The following CASP8 variants were observed in gnomAD, a reference collection of about 807,000 sequenced individuals.
The protein encoded by CASP8 is caspase-8.
CASP8 carries 24 observed loss-of-function variants against 46.3 expected under a neutral mutation model. That is an observed-to-expected ratio of 0.52 (90% CI 0.38 to 0.73). The LOEUF (loss-of-function observed/expected upper bound fraction) is 0.73, where lower values mean the gene tolerates loss of function less well. Ranked by LOEUF, CASP8 falls within the 30% of genes least tolerant of loss-of-function variation. The probability of loss-of-function intolerance (pLI) is 0.00; values close to 1 mark genes in which losing one functional copy is unlikely to be tolerated. For missense variants in CASP8, 460 were observed against 559.0 expected (o/e 0.82, Z 1.79); for synonymous variants, 188 against 200.4 (o/e 0.94, Z 0.52).
chr2:201,273,677 G>A (rs7564683), intron 5 of CASP8, among the ~76,000 whole-genome samples: 1 of 151,560 alleles, frequency 6.6e-6, no homozygotes, highest in Non-Finnish European at 1.5e-5. Context: ...TAATCAAATA[G>A]TCTTTTTTTT....
intron 2 of CASP8, among the ~76,000 whole-genome samples, chr2:201,253,293 CTTTTTTTTTTTTTTTT>C (rs34341476): frequency 1.5e-4 from 10 of 67,954 alleles, no homozygotes; most frequent in African/African-American, 5.0e-4. Context: ...CTAGCCTGAT[CTTTTTTTTTTTTTTTT>C]TTTTTTTTTT....
intron 2 of CASP8, among the ~76,000 whole-genome samples, chr2:201,254,004 C>A (rs977586816): frequency 6.6e-6 from 1 of 151,852 alleles, no homozygotes; most frequent in African/African-American, 2.4e-5. Context: ...TCGCTTGAAC[C>A]CAGGAGGCGG....
At chr2:201,247,301 G>T (rs1946573381) in intron 2 of CASP8, among the ~76,000 whole-genome samples, 1 of 151,830 alleles carries the variant, frequency 6.6e-6, no homozygotes, top group Non-Finnish European at 1.5e-5. Flanking sequence ...GGACATCAGG[G>T]TGAGACTTTT....
At chr2:201,246,796 G>A (rs1167316696) in intron 2 of CASP8, among the ~76,000 whole-genome samples, 2 of 152,182 alleles carry the variant, frequency 1.3e-5, no homozygotes, top group African/African-American at 4.8e-5. Flanking sequence ...CAACTGGAAC[G>A]CAAAATGTTC....
Position 201,274,182 on chromosome 2 carries a change from T to G in CASP8, c.596-707T>G, listed in dbSNP as rs34414675. Among the ~76,000 whole-genome samples the G allele has an allele frequency of 2.1e-3, 324 of 152,308 alleles. 6 individuals are homozygous for G. The highest frequency in any genetic ancestry group is 0.014 in the Admixed American group (207 of 15,298). On this transcript the variant is annotated intron_variant, in intron 5 of 8. Transcript: ENST00000673742. ...ATGTCTATGCAGGCTGTCCTTCCCTTTCCCCTCTGCCTGCTGAGCCTAAGG... is the reference window on the plus strand; with the variant it reads ...ATGTCTATGCAGGCTGTCCTTCCCTGTCCCCTCTGCCTGCTGAGCCTAAGG...
rs34750049 is a variant in CASP8, at chr2:201,285,366, C to A, written c.1304+49C>A. 95 of 1,598,526 alleles carry A rather than the reference C, an allele frequency of 5.9e-5. No individual in the cohort carries two copies. In the Admixed American group the frequency reaches 1.2e-3, roughly 20 times the overall value. On this transcript the variant is annotated intron_variant, in intron 8 of 8. Transcript: ENST00000673742. Reference sequence around the variant, plus strand: ...CCTCACTGTTACACTACCTTCCCCCCCTACTCCATCACACTACTATCTACT... The same window carrying A: ...CCTCACTGTTACACTACCTTCCCCCACTACTCCATCACACTACTATCTACT...
intron 2 of CASP8, among the ~76,000 whole-genome samples, chr2:201,245,016 C>T (rs1946450339): frequency 1.3e-5 from 2 of 152,202 alleles, no homozygotes. Context: ...TCACTTAACC[C>T]TGTCCTTCAA....
chr2:201,274,919 C>T lies in CASP8; in HGVS notation c.626C>T (p.Ser209Leu), dbSNP rs1351320412. 1.7e-5 allele frequency: 27 copies of T among 1,613,428 alleles called. No homozygotes were observed. Among genetic ancestry groups the T allele is most frequent in the Non-Finnish European group, 2.2e-5 (26 of 1,179,562 alleles). Reference sequence around the variant, plus strand: ...GAGTTGTGTGGGGTAATGACAATCTCGGACTCTCCAAGAGAACAGGATAGT... The same window carrying T: ...GAGTTGTGTGGGGTAATGACAATCTTGGACTCTCCAAGAGAACAGGATAGT... ...GEELCGVMTI[S>L]DSPREQDSES... is the part of the protein sequence containing the mutation. The change falls in exon 6 of 9, where the codon TCG becomes TTG. Residue 209 changes from serine to leucine, a missense_variant. Coordinates refer to ENST00000673742, the MANE Select transcript of CASP8 (RefSeq NM_001372051.1).
At chr2:201,239,376 G>A (rs1222579167) in intron 2 of CASP8, among the ~76,000 whole-genome samples, 4 of 152,160 alleles carry the variant, frequency 2.6e-5, no homozygotes, top group South Asian at 2.1e-4. Context: ...TCCCAGACGG[G>A]GCGGCTGGCC....
chr2:201,264,449 C>G (rs976058851), intron 1 of CASP8, among the ~76,000 whole-genome samples: 7 of 151,534 alleles, frequency 4.6e-5, no homozygotes, highest in African/African-American at 1.7e-4. Context: ...GGTCTTGCCA[C>G]CTGGGGTCTT....
intron 1 of CASP8, among the ~76,000 whole-genome samples, chr2:201,262,530 A>G (rs533295366): frequency 1.3e-5 from 2 of 152,250 alleles, no homozygotes; most frequent in South Asian, 2.1e-4. Flanking sequence ...TACATATGTT[A>G]TATATACATG....
upstream of CASP8, chr2:201,260,518 G>T (rs373656272): frequency 9.4e-5 from 93 of 985,272 alleles, no homozygotes; most frequent in South Asian, 3.1e-3. Flanking sequence ...GGCTGGCTGT[G>T]CCCTTCCGTC....
At chr2:201,239,748 G>T (rs1576189497) in intron 2 of CASP8, among the ~76,000 whole-genome samples, 1 of 152,252 alleles carries the variant, frequency 6.6e-6, no homozygotes, top group Non-Finnish European at 1.5e-5. Context: ...GTCACGGGTG[G>T]CGGGCAATCC....
At chr2:201,247,971 G>A (rs1158718905) in intron 2 of CASP8, among the ~76,000 whole-genome samples, 7 of 152,046 alleles carry the variant, frequency 4.6e-5, no homozygotes, top group South Asian at 2.1e-4. Context: ...TAGAGATGGG[G>A]GTCTCACTAT....
Position 201,272,675 on chromosome 2 carries a change from T to G in CASP8, c.449T>G (p.Val150Gly). ...LDIFIEMEKR[V>G]ILGEGKLDIL... ...ATTTTCATAGAGATGGAGAAGAGGG[T>G]CATCCTGGGAGAAGGAAAGTTGGAC... is the stretch of plus-strand genomic sequence containing the variant. The change falls in exon 4 of 9, where the codon GTC becomes GGC. Residue 150 changes from valine (V) to glycine (G), a missense_variant. Transcript: ENST00000673742. The surrounding 1 kb of genome is among the most constrained non-coding windows in gnomAD (Gnocchi z 4.4). 1.9e-6 allele frequency: 3 copies of G among 1,614,076 alleles called. No homozygotes were observed. Among genetic ancestry groups the G allele is most frequent in the Non-Finnish European group, 2.5e-6 (3 of 1,179,958 alleles).
upstream of CASP8, chr2:201,258,422 C>T (rs1185765120): frequency 1.2e-6 from 2 of 1,612,536 alleles, no homozygotes; most frequent in Admixed American, 3.3e-5. Context: ...CAACAGGAAA[C>T]CACAATATTT....
intron 7 of CASP8, chr2:201,277,574 G>T (rs1948716588): frequency 3.7e-6 from 1 of 269,376 alleles, no homozygotes; most frequent in Non-Finnish European, 7.3e-6. Flanking sequence ...TTTGATCAAA[G>T]AACTTTTGGA....
In CASP8 at chr2:201,272,579, T is replaced by A; in HGVS notation, c.412-59T>A. 8.8e-6 allele frequency: 14 copies of A among 1,585,300 alleles called. No homozygotes were observed. The highest frequency in any genetic ancestry group is 1.7e-5 in the Admixed American group (1 of 59,128). On this transcript the variant is annotated intron_variant, in intron 3 of 8. Coordinates refer to ENST00000673742, the MANE Select transcript of CASP8 (RefSeq NM_001372051.1). This position sits in a 1 kb window ranked among gnomAD's most constrained non-coding sequence, Gnocchi z 4.4. ...AAATTGGAAATTAAAAAAAAAAATC[T>A]AATCTAAAAACCAGTAGGGCTCAAT...
rs1330235638 is a variant in CASP8, at chr2:201,285,322, G to A, written c.1304+5G>A. The A allele has an allele frequency of 1.2e-6, 2 of 1,612,920 alleles. No homozygotes were observed. The highest frequency in any genetic ancestry group is 1.3e-5 in the African/African-American group (1 of 74,986). On this transcript the variant is annotated splice_donor_5th_base_variant and intron_variant, in intron 8 of 8. Transcript: ENST00000673742. ...CCTGAGAGAGCGATGTCCTCGGTAAGTTTTGCCTACTCAGCCCTCCTCACT... is the reference window on the plus strand; with the variant it reads ...CCTGAGAGAGCGATGTCCTCGGTAAATTTTGCCTACTCAGCCCTCCTCACT...
Sources: gnomAD v4.1 joint callset for allele counts (sites outside exome capture counted in the v4.1 genomes callset) on GRCh38, gnomAD v4.1.1 for gene constraint, Gnocchi (gnomAD v3.1) non-coding constraint, MANE v1.5 for transcripts, NCBI Gene and HGNC (gene_info 2026-07-23, HGNC 2026-07-21) for gene names.